The following SERINC1 variants were observed in gnomAD, a reference collection of about 807,000 sequenced individuals.
The protein encoded by SERINC1 is tumor differentially expressed protein 2.
In SERINC1, 38 loss-of-function variants were observed where a neutral mutation model predicts 52.9. The observed-to-expected ratio is 0.72, with a 90% CI of 0.55 to 0.94. The LOEUF (loss-of-function observed/expected upper bound fraction) is 0.94. SERINC1 is among the 40% of genes least tolerant of loss of function. SERINC1 has a pLI of 0.00. For synonymous variants in SERINC1, 198 were observed against 183.1 expected, an observed-to-expected ratio of 1.08 and a Z score of -0.66; for missense variants, 471 against 533.9, an observed-to-expected ratio of 0.88 and a Z score of 1.16.
In SERINC1 at chr6:122,444,551, C is replaced by T. The variant is rs1254810131; in HGVS notation, c.*493G>A. 1 of 153,818 alleles carries T rather than the reference C, an allele frequency of 6.5e-6. No homozygotes were observed. The highest frequency in any genetic ancestry group is 1.4e-5 in the Non-Finnish European group (1 of 69,218). 9.5% of individuals were successfully genotyped at this position (153,818 alleles called of 1,614,324 possible). On this transcript the variant is annotated 3_prime_UTR_variant, in exon 10 of 10. Transcript: ENST00000339697. ...TAAACACTCCCTACCTGTGTAAATT[C>T]CGTATCAAGGGTAAAACCTTATAAG...
chr6:122,451,657 AAC>A lies in SERINC1; in HGVS notation c.850+5_850+6del, dbSNP rs1562213565. ...CTTTAGGAACATGTAATATAAATAAAACACACCTGGTTCATTGGTCATAGCTG... is the reference window on the plus strand; with the variant it reads ...CTTTAGGAACATGTAATATAAATAAAACACCTGGTTCATTGGTCATAGCTG... On this transcript the variant is annotated splice_donor_5th_base_variant and intron_variant, in intron 7 of 9. Coordinates refer to ENST00000339697, the MANE Select transcript of SERINC1 (RefSeq NM_020755.4). The A allele has an allele frequency of 9.3e-7, 1 of 1,075,420 alleles. No individual in the cohort carries two copies. The highest frequency in any genetic ancestry group is 1.4e-6 in the Non-Finnish European group (1 of 740,154). The allele number at this position is 1,075,420 out of a possible 1,614,324, so 66.6% of individuals were successfully genotyped here. A position where few individuals can be genotyped will look rare whatever the true frequency, so the allele number is the denominator to read the frequency against.
At chr6:122,470,174 A>T (rs1021824282) in intron 1 of SERINC1, among the ~76,000 whole-genome samples, 1 of 152,174 alleles carries the variant, frequency 6.6e-6, no homozygotes, top group African/African-American at 2.4e-5. Flanking sequence ...CATCCCCTGC[A>T]CTTCAGCCCG....
rs1292963757 is a variant in SERINC1 at position 122,444,727 on chromosome 6, T to C, written c.*317A>G. 1.4e-5 allele frequency: 3 copies of C among 219,412 alleles called. No individual in the cohort carries two copies. Among genetic ancestry groups the C allele is most frequent in the South Asian group, 1.2e-4 (1 of 8,562 alleles). The allele number at this position is 219,412 out of a possible 1,614,324, so 13.6% of individuals were successfully genotyped here. On this transcript the variant is annotated 3_prime_UTR_variant, in exon 10 of 10. Transcript: ENST00000339697. ...CTTGCTAAAACAGCTTAAGGTCTAA[T>C]ATAATTTTAAAATAGTCAAACAAAT...
At chr6:122,448,641 T>G (rs1774850403) in intron 7 of SERINC1, among the ~76,000 whole-genome samples, 1 of 152,190 alleles carries the variant, frequency 6.6e-6, no homozygotes, top group African/African-American at 2.4e-5. Context: ...GTGAAAAAAT[T>G]ATACTGTTCA....
chr6:122,454,433 A>G, intron 3 of SERINC1: 1 of 496,690 alleles, frequency 2.0e-6, no homozygotes. Context: ...CATAGTTTGG[A>G]GAGAGAGTGA....
At chr6:122,456,352 T>C in intron 3 of SERINC1, 129 bp downstream of exon 3, 1 of 511,916 alleles carries the variant, frequency 2.0e-6, no homozygotes, top group Non-Finnish European at 3.2e-6. Flanking sequence ...TCTTATCCTG[T>C]CATTCATGAA....
intron 1 of SERINC1, among the ~76,000 whole-genome samples, chr6:122,465,106 T>C (rs183190989): frequency 7.2e-5 from 11 of 152,330 alleles, no homozygotes; most frequent in Admixed American, 6.5e-4. Context: ...TCTTTTGTTT[T>C]GTTCTTCCCA....
At chr6:122,457,685 C>G (rs1380986898) in intron 2 of SERINC1, among the ~76,000 whole-genome samples, 2 of 152,018 alleles carry the variant, frequency 1.3e-5, no homozygotes, top group African/African-American at 4.8e-5. Flanking sequence ...AGAACTTGAC[C>G]ATGGTGGCAC....
chr6:122,460,656 C>T (rs145595199), intron 1 of SERINC1, among the ~76,000 whole-genome samples: 31 of 152,096 alleles, frequency 2.0e-4, no homozygotes, highest in African/African-American at 6.7e-4. Context: ...GTATATCCAG[C>T]GCTGATCAAG....
chr6:122,457,565 G>T (rs537165797), intron 2 of SERINC1, among the ~76,000 whole-genome samples: 1 of 152,264 alleles, frequency 6.6e-6, no homozygotes, highest in East Asian at 1.9e-4. Flanking sequence ...CATGAGGGTA[G>T]AGCCCTCAGG....
chr6:122,453,459 T>C (rs1774945916), intron 5 of SERINC1, among the ~76,000 whole-genome samples: 1 of 152,038 alleles, frequency 6.6e-6, no homozygotes, highest in Middle Eastern at 3.4e-3. Context: ...TTTTAACCCA[T>C]TGTAGGCTAG....
intron 1 of SERINC1, among the ~76,000 whole-genome samples, 196 bp downstream of exon 1, chr6:122,471,503 T>C (rs571036057): frequency 4.6e-5 from 7 of 152,274 alleles, no homozygotes; most frequent in African/African-American, 7.2e-5. Context: ...CGGCCAGTGA[T>C]CAGTTCTTCG....
rs544051126 is a variant in SERINC1, at chr6:122,471,570, G to C, written c.39+129C>G. On this transcript the variant is annotated intron_variant, in intron 1 of 9. Transcript: ENST00000339697. The stretch of plus-strand genomic sequence containing the variant: ...TGACGAGAGGAGACGGGAAGAAAAC[G>C]GGGACAGAGAGGGCACTCCCTGTTG... 15 of 1,078,084 alleles carry C rather than the reference G, an allele frequency of 1.4e-5. No homozygotes were observed. The East Asian group carries it at 2.4e-4, about 17-fold the overall frequency. The allele number at this position is 1,078,084 out of a possible 1,614,324, so 66.8% of individuals were successfully genotyped here. A position where few individuals can be genotyped will look rare whatever the true frequency, so the allele number is the denominator to read the frequency against.
chr6:122,446,384 T>C (rs1774802303), intron 9 of SERINC1, among the ~76,000 whole-genome samples: 1 of 152,084 alleles, frequency 6.6e-6, no homozygotes, highest in Admixed American at 6.5e-5. Context: ...ATTAATGAAT[T>C]CATACTTAAA....
At chr6:122,451,262 G>C (rs1487136476) in intron 7 of SERINC1, among the ~76,000 whole-genome samples, 1 of 152,184 alleles carries the variant, frequency 6.6e-6, no homozygotes, top group Non-Finnish European at 1.5e-5. Flanking sequence ...TGAAGGCTCA[G>C]ATGACTGTTA....
At chr6:122,454,576 G>T in intron 3 of SERINC1, 1 of 222,320 alleles carries the variant, frequency 4.5e-6, no homozygotes. Context: ...CCACGCTAGA[G>T]GAAGCATCAG....
intron 1 of SERINC1, among the ~76,000 whole-genome samples, chr6:122,469,002 T>C (rs1775230395): frequency 6.6e-6 from 1 of 152,146 alleles, no homozygotes. Flanking sequence ...AGTTATAGGA[T>C]TAGTTGGTAT....
intron 1 of SERINC1, among the ~76,000 whole-genome samples, chr6:122,465,097 CTTTT>C (rs1010692271): frequency 5.9e-5 from 9 of 151,960 alleles, no homozygotes; most frequent in Admixed American, 3.9e-4. Context: ...TGTTCTAGTT[CTTTT>C]GTTTTGTTCT....
intron 5 of SERINC1, among the ~76,000 whole-genome samples, chr6:122,452,298 G>A (rs950886860): frequency 3.9e-5 from 6 of 152,042 alleles, no homozygotes; most frequent in African/African-American, 1.5e-4. Context: ...AAGTTAGTAA[G>A]AAACTAATAG....
Sources: allele counts gnomAD v4.1 joint callset (sites outside exome capture counted in the v4.1 genomes callset), GRCh38; gene constraint gnomAD v4.1.1; transcripts MANE v1.5; gene names NCBI Gene and HGNC (gene_info 2026-07-23, HGNC 2026-07-21).